Variants in SIPA1L3 observed in about 807,000 individuals in gnomAD.
The protein encoded by SIPA1L3 is signal induced proliferation associated 1 like 3, also known as signal-induced proliferation-associated 1-like protein 3.
A neutral mutation model predicts 150.1 loss-of-function variants in SIPA1L3; 59 were observed. The observed-to-expected ratio is 0.39, with a 90% CI of 0.32 to 0.49. The LOEUF (loss-of-function observed/expected upper bound fraction) is 0.49. Among genes scored for constraint, SIPA1L3 ranks in the 20% least tolerant of loss-of-function variants. The pLI, the probability that SIPA1L3 is intolerant of heterozygous loss-of-function variation, is 0.86. For missense variants in SIPA1L3, 2,211 were observed against 2,489.5 expected (o/e 0.89, Z 2.38); for synonymous variants, 1,070 against 1,077.6 (o/e 0.99, Z 0.14).
At chr19:38,073,304 G>A (rs1568533399) in intron 2 of SIPA1L3, among the ~76,000 whole-genome samples, 1 of 152,176 alleles carries the variant, frequency 6.6e-6, no homozygotes, top group Non-Finnish European at 1.5e-5. Flanking sequence ...CAGAGGGAAT[G>A]GGGGGACATG....
At chr19:37,934,499 G>A (rs901056896) in intron 1 of SIPA1L3, among the ~76,000 whole-genome samples, 1 of 152,182 alleles carries the variant, frequency 6.6e-6, no homozygotes, top group Non-Finnish European at 1.5e-5. Flanking sequence ...TCTGGAAAAT[G>A]GGGATAATTA....
intron 6 of SIPA1L3, among the ~76,000 whole-genome samples, chr19:38,101,818 G>T (rs768714494): frequency 8.5e-5 from 13 of 152,166 alleles, no homozygotes; most frequent in Non-Finnish European, 1.5e-4. Flanking sequence ...TGTCTAATGT[G>T]CACGTGCATG....
chr19:38,138,883 A>T (rs1169689786), intron 10 of SIPA1L3, among the ~76,000 whole-genome samples: 5 of 85,664 alleles, frequency 5.8e-5, no homozygotes, highest in Non-Finnish European at 1.3e-4. Flanking sequence ...GGGTGACAGA[A>T]CGAGACTCTA....
At chr19:38,148,836 C>G (rs1283359243) in intron 12 of SIPA1L3, among the ~76,000 whole-genome samples, 1 of 152,102 alleles carries the variant, frequency 6.6e-6, no homozygotes, top group Non-Finnish European at 1.5e-5. Flanking sequence ...CCCAAAACAC[C>G]AAACCCTTTA....
chr19:38,204,708 G>A (rs187315377), intron 21 of SIPA1L3, among the ~76,000 whole-genome samples: 16 of 152,252 alleles, frequency 1.1e-4, no homozygotes, highest in Non-Finnish European at 1.6e-4. Context: ...GGAGGTTGCA[G>A]TGAGCCGAGA....
At chr19:38,204,441 G>A (rs1042782888) in intron 21 of SIPA1L3, among the ~76,000 whole-genome samples, 2 of 152,212 alleles carry the variant, frequency 1.3e-5, no homozygotes, top group Admixed American at 1.3e-4. Flanking sequence ...CTTTTCGGAA[G>A]GCAATTGGAT....
At chr19:38,173,704 C>A (rs1452370698) in intron 15 of SIPA1L3, 1 of 152,238 alleles carries the variant, frequency 6.6e-6, no homozygotes, top group South Asian at 2.1e-4. Context: ...CCACCGGGGC[C>A]CACCCTGCCT....
At chr19:37,967,455 T>A in intron 1 of SIPA1L3, among the ~76,000 whole-genome samples, 1 of 152,116 alleles carries the variant, frequency 6.6e-6, no homozygotes, top group Admixed American at 6.6e-5. Flanking sequence ...AGTTTCACCA[T>A]GTTGGCCAGG....
rs776868988 is a variant in SIPA1L3, at chr19:38,142,602, C to T, written c.3425C>T (p.Thr1142Ile). The T allele has an allele frequency of 2.5e-6, 4 of 1,613,832 alleles. No homozygotes were observed. In the Admixed American group the frequency reaches 6.7e-5, roughly 27 times the overall value. ...GTCAGCTTCCCAGAAACCCCTTACA[C>T]AGTATCACCAGCAGGGGCCGACAGA... is the stretch of plus-strand genomic sequence containing the variant. ...RPVSFPETPY[T>I]VSPAGADRVP... The change falls in exon 12 of 22, where the codon ACA becomes ATA. Residue 1142 changes from threonine (T) to isoleucine (I), a missense_variant. By Grantham distance (89) the Thr-to-Ile change is moderately conservative. This residue lies in a region of SIPA1L3 where 806 missense variants were observed against 870.1 expected (regional missense o/e 0.93). Transcript: ENST00000222345.
At chr19:38,196,610 AG>A (rs1320651010) in intron 18 of SIPA1L3, among the ~76,000 whole-genome samples, 1 of 145,680 alleles carries the variant, frequency 6.9e-6, no homozygotes, top group Non-Finnish European at 1.5e-5. Context: ...ATGGAGGTCA[AG>A]GGCAGAGCAT....
At chr19:38,052,934 C>T (rs1244873245) in intron 2 of SIPA1L3, among the ~76,000 whole-genome samples, 4 of 152,204 alleles carry the variant, frequency 2.6e-5, no homozygotes, top group South Asian at 2.1e-4. Flanking sequence ...GACACCGTGC[C>T]GGAGAGTTCT....
chr19:38,153,912 C>G (rs573760192), intron 13 of SIPA1L3, among the ~76,000 whole-genome samples: 2 of 151,678 alleles, frequency 1.3e-5, no homozygotes, highest in Non-Finnish European at 2.9e-5. Flanking sequence ...CCAGCCTGAG[C>G]GACAGAGCAA....
intron 1 of SIPA1L3, among the ~76,000 whole-genome samples, chr19:38,024,109 GAAAA>G (rs767963997): frequency 7.9e-5 from 12 of 152,132 alleles, no homozygotes; most frequent in Non-Finnish European, 1.8e-4. Context: ...GGGTGGGGTA[GAAAA>G]TCCTGGCCCA....
intron 2 of SIPA1L3, among the ~76,000 whole-genome samples, chr19:38,038,588 C>CAA (rs34849335): frequency 0.19 from 22,981 of 121,316 alleles, 2,597 homozygotes; most frequent in African/African-American, 0.25. Flanking sequence ...GACTCCGTCT[C>CAA]AAAAAAAAAA....
chr19:38,137,981 A>T (rs1479940485), intron 10 of SIPA1L3, among the ~76,000 whole-genome samples: 1 of 151,918 alleles, frequency 6.6e-6, no homozygotes, highest in Non-Finnish European at 1.5e-5. Flanking sequence ...AAACACAAAA[A>T]TTAGCCAGGC....
intron 18 of SIPA1L3, among the ~76,000 whole-genome samples, chr19:38,194,124 A>G (rs1299115947): frequency 1.0e-5 from 1 of 97,682 alleles, no homozygotes; most frequent in Non-Finnish European, 2.1e-5. Flanking sequence ...CAACCCTCCC[A>G]CCCATTCCAG....
At chr19:38,134,846 G>C (rs1971398931) in intron 10 of SIPA1L3, among the ~76,000 whole-genome samples, 1 of 152,148 alleles carries the variant, frequency 6.6e-6, no homozygotes, top group Admixed American at 6.6e-5. Flanking sequence ...GGTGGTCCGG[G>C]AAGGCCCGAA....
Position 37,984,843 on chromosome 19 carries a change from TGTG to T in SIPA1L3, c.-378-44242_-378-44240del, listed in dbSNP as rs144490493. On this transcript the variant is annotated intron_variant, in intron 1 of 21. Coordinates refer to ENST00000222345, the MANE Select transcript of SIPA1L3 (RefSeq NM_015073.3). The stretch of plus-strand genomic sequence containing the variant: ...TCTGTAGCAAACTAGAGCATGTCCT[TGTG>T]GTGATCCCTGAAGAAGAGAATAGTC... 2.8e-3 allele frequency among the ~76,000 whole-genome samples: 426 copies of T among 152,354 alleles called. 21 individuals carry two copies. The East Asian group carries it at 0.068, about 24-fold the overall frequency.
chr19:38,127,819 C>T (rs950441001), intron 9 of SIPA1L3, among the ~76,000 whole-genome samples: 1 of 152,050 alleles, frequency 6.6e-6, no homozygotes, highest in African/African-American at 2.4e-5. Context: ...CGAGTTGCAA[C>T]AGTGTTAAAG....
Sources: gnomAD v4.1 joint callset for allele counts (sites outside exome capture counted in the v4.1 genomes callset) on GRCh38, gnomAD v4.1.1 for gene constraint, gnomAD v4.1.1 regional missense constraint, MANE v1.5 for transcripts, NCBI Gene and HGNC (gene_info 2026-07-23, HGNC 2026-07-21) for gene names.